The following TP53I13 variants were observed in gnomAD, a reference collection of about 807,000 sequenced individuals.
The protein encoded by TP53I13 is tumor protein p53-inducible protein 13.
Under a neutral mutation model 39.1 loss-of-function variants are expected in TP53I13, and 27 were observed. The ratio of observed to expected loss-of-function variants is 0.69; its 90% CI spans 0.51 to 0.95. The LOEUF (loss-of-function observed/expected upper bound fraction) is 0.95. Ranked by LOEUF, TP53I13 falls within the 40% of genes least tolerant of loss-of-function variation. TP53I13 has a pLI of 0.00. For missense variants in TP53I13, 544 were observed against 520.4 expected, an observed-to-expected ratio of 1.05 and a Z score of -0.44; for synonymous variants, 230 against 224.6, an observed-to-expected ratio of 1.02 and a Z score of -0.22.
the TP53I13 span, chr17:29,579,113 G>T: frequency 1.2e-6 from 1 of 805,274 alleles, no homozygotes; most frequent in Non-Finnish European, 2.1e-6. Flanking sequence ...GGCCCAGAAG[G>T]GACAAAGCTG....
chr17:29,566,739 C>T, upstream of TP53I13: 1 of 1,558,844 alleles, frequency 6.4e-7, no homozygotes, highest in Non-Finnish European at 8.6e-7. Context: ...CCAGGGCCGA[C>T]GGCTTGCAAA....
the TP53I13 span, chr17:29,581,185 A>C: frequency 1.5e-6 from 1 of 661,498 alleles, no homozygotes; most frequent in South Asian, 1.6e-5. This position sits in a 1 kb window ranked among gnomAD's most constrained non-coding sequence, Gnocchi z 4.8. Flanking sequence ...CTTGGGGCCC[A>C]GCATTAGGGA....
chr17:29,572,683 A>C lies in TP53I13; in HGVS notation c.1055A>C (p.Gln352Pro), dbSNP rs753716679. The C allele has an allele frequency of 2.6e-6, 4 of 1,561,550 alleles. No homozygotes were observed. The highest frequency in any genetic ancestry group is 3.5e-6 in the Non-Finnish European group (4 of 1,152,996). The change falls in exon 6 of 7, where the codon CAG becomes CCG. Residue 352 changes from glutamine (Q) to proline (P), a missense_variant. Coordinates refer to ENST00000301057, the MANE Select transcript of TP53I13 (RefSeq NM_138349.4). ...TACTGGGGGCCCACAGCGGACAGCC[A>C]GGACACAGTGGCTGGTGAGGAGTTC... Reference protein sequence around the residue: ...SIYWGPTADSQDTVAAVLKRR... With the variant: ...SIYWGPTADSPDTVAAVLKRR...
At chr17:29,576,454 T>C (rs2033205029), downstream of TP53I13, 1 of 1,612,732 alleles carries the variant, frequency 6.2e-7, no homozygotes, top group South Asian at 1.1e-5. Context: ...TGTGGATCTA[T>C]GGGTGCAAAG....
chr17:29,572,411 C>A lies in TP53I13; in HGVS notation c.783C>A (p.Gly261=). Residue 261 remains glycine, a synonymous_variant, in exon 6 of 7, where the codon GGC becomes GGA. Coordinates refer to ENST00000301057, the MANE Select transcript of TP53I13 (RefSeq NM_138349.4). The part of the protein sequence containing the change: ...TVSLLPGAPG[G]NASSRTEAQV... ...CCCTGCTGCCGGGGGCGCCTGGAGG[C>A]AATGCCAGCTCCAGGACAGAGGCTC... 1 of 1,591,376 alleles carries A rather than the reference C, an allele frequency of 6.3e-7. No individual in the cohort carries two copies. Among genetic ancestry groups the A allele is most frequent in the Non-Finnish European group, 8.6e-7 (1 of 1,165,264 alleles).
At chr17:29,581,874 G>A in the TP53I13 span, 8 of 1,608,740 alleles carry the variant, frequency 5.0e-6, no homozygotes, top group Non-Finnish European at 6.8e-6. This position sits in a 1 kb window ranked among gnomAD's most constrained non-coding sequence, Gnocchi z 4.8. Context: ...TGCAGCAGCA[G>A]CCCTCACCCA....
At chr17:29,578,348 T>C in the TP53I13 span, 1 of 1,614,090 alleles carries the variant, frequency 6.2e-7, no homozygotes, top group Non-Finnish European at 8.5e-7. Flanking sequence ...CCATGGCGAG[T>C]TCCTCAAAAA....
intron 6 of TP53I13, 50 bp from the exon 7 acceptor site, chr17:29,572,762 C>CG: frequency 4.0e-6 from 6 of 1,510,788 alleles, no homozygotes; most frequent in Non-Finnish European, 4.4e-6. Context: ...CGCCGCCCCC[C>CG]GTAGCTTCCC....
chr17:29,568,731 C>A lies in TP53I13; in HGVS notation c.-28C>A. ...CTCCCTCGCTGGCGGAGCGGCTGGGCGGCGGGCCGGGCCCGGGGCCGCTTG... is the reference window on the plus strand; with the variant it reads ...CTCCCTCGCTGGCGGAGCGGCTGGGAGGCGGGCCGGGCCCGGGGCCGCTTG... On this transcript the variant is annotated 5_prime_UTR_variant, in exon 1 of 7. Transcript: ENST00000301057. This position sits in a 1 kb window ranked among gnomAD's most constrained non-coding sequence, Gnocchi z 4.5. The A allele has an allele frequency of 6.9e-7, 1 of 1,447,806 alleles. No homozygotes were observed. The highest frequency in any genetic ancestry group is 1.3e-5 in the South Asian group (1 of 74,290). The allele number at this position is 1,447,806 out of a possible 1,614,324, so 89.7% of individuals were successfully genotyped here.
Position 29,573,036 on chromosome 17 carries a change from G to C in TP53I13, c.*112G>C. On this transcript the variant is annotated 3_prime_UTR_variant, in exon 7 of 7. Transcript: ENST00000301057. ...TCCCTGGTGGCGATGGCGCGGCACTGGCCGAGCACTGCGGGGGCTTTCCTC... is the reference window on the plus strand; with the variant it reads ...TCCCTGGTGGCGATGGCGCGGCACTCGCCGAGCACTGCGGGGGCTTTCCTC... 2.3e-6 allele frequency: 2 copies of C among 859,426 alleles called. No homozygotes were observed. Among genetic ancestry groups the C allele is most frequent in the Non-Finnish European group, 3.2e-6 (2 of 622,920 alleles). The allele number at this position is 859,426 out of a possible 1,614,324, so 53.2% of individuals were successfully genotyped here.
chr17:29,579,319 A>G, the TP53I13 span: 1 of 403,100 alleles, frequency 2.5e-6, no homozygotes. Context: ...CCCTCCTTCT[A>G]GTTTTGTCCC....
At chr17:29,578,865 A>C in the TP53I13 span, 2 of 1,548,952 alleles carry the variant, frequency 1.3e-6, no homozygotes, top group East Asian at 4.5e-5. Flanking sequence ...CCCAACATGC[A>C]GGGATCCCGG....
chr17:29,566,404 G>A (rs1451867931), upstream of TP53I13: 1 of 1,611,744 alleles, frequency 6.2e-7, no homozygotes, highest in Admixed American at 1.7e-5. Context: ...GAAGATGACC[G>A]GGTAGTAGCC....
At chr17:29,577,843 A>G, downstream of TP53I13, 2 of 741,528 alleles carry the variant, frequency 2.7e-6, no homozygotes, top group Admixed American at 2.0e-5. Context: ...CCCCACGCCT[A>G]CTGAGCACTG....
At position 29,568,838 on chromosome 17, in the gene TP53I13, G is replaced by A; in HGVS notation, c.72+8G>A. 5.0e-6 allele frequency: 8 copies of A among 1,600,096 alleles called. No homozygotes were observed. The highest frequency in any genetic ancestry group is 6.8e-6 in the Non-Finnish European group (8 of 1,179,564). On this transcript the variant is annotated splice_region_variant and intron_variant, in intron 1 of 6. Transcript: ENST00000301057. The surrounding 1 kb of genome is among the most constrained non-coding windows in gnomAD (Gnocchi z 4.5). ...CTCCTGGGTCCCAGCGAGGTAAGGTGACCCGCTCCTGGGAAGGCCTCGGCC... is the reference window on the plus strand; with the variant it reads ...CTCCTGGGTCCCAGCGAGGTAAGGTAACCCGCTCCTGGGAAGGCCTCGGCC...
downstream of TP53I13, chr17:29,575,894 C>T (rs372896559): frequency 1.2e-5 from 19 of 1,606,718 alleles, no homozygotes; most frequent in African/African-American, 1.3e-5. The surrounding 1 kb of genome is among the most constrained non-coding windows in gnomAD (Gnocchi z 5.5). Flanking sequence ...CACCCCTTTC[C>T]GGATCTGAAA....
chr17:29,577,865 AG>A (rs2033268663), downstream of TP53I13: 3 of 674,938 alleles, frequency 4.4e-6, no homozygotes, highest in East Asian at 5.4e-5. Flanking sequence ...TGTTCAGAAC[AG>A]GGGTGGTCTT....
the TP53I13 span, chr17:29,582,004 C>G: frequency 6.2e-7 from 1 of 1,612,816 alleles, no homozygotes; most frequent in South Asian, 1.1e-5. Flanking sequence ...GCAGCTCGGC[C>G]TGCAGTGTCT....
At chr17:29,574,418 T>C (rs573668174), downstream of TP53I13, 3 of 472,112 alleles carry the variant, frequency 6.4e-6, no homozygotes, top group Admixed American at 1.1e-4. Flanking sequence ...GGCGAGGGGC[T>C]GGGAGTGATG....
Sources: allele counts gnomAD v4.1 joint callset, GRCh38; gene constraint gnomAD v4.1.1; non-coding constraint Gnocchi (gnomAD v3.1); transcripts MANE v1.5; gene names NCBI Gene and HGNC (gene_info 2026-07-23, HGNC 2026-07-21).